The following CCDC39 variants were observed in gnomAD, a reference collection of about 807,000 sequenced individuals.
CCDC39 encodes coiled-coil domain 39 molecular ruler complex subunit, also known as coiled-coil domain-containing protein 39.
CCDC39 carries 113 observed loss-of-function variants against 121.0 expected under a neutral mutation model. That is an observed-to-expected ratio of 0.93 (90% CI 0.80 to 1.09). The LOEUF is 1.09. CCDC39 is among the 50% of genes least tolerant of loss of function. CCDC39 has a pLI of 0.00. For missense variants in CCDC39, 1,063 were observed against 1,074.7 expected (o/e 0.99, Z 0.15); for synonymous variants, 349 against 352.2 (o/e 0.99, Z 0.10).
At chr3:180,646,169 G>A (rs550223153) in intron 11 of CCDC39, among the ~76,000 whole-genome samples, 3 of 151,718 alleles carry the variant, frequency 2.0e-5, no homozygotes, top group Non-Finnish European at 2.9e-5. Context: ...TTTAAAACTA[G>A]TTTTATCTGA....
chr3:180,640,627 A>G (rs1479946542), intron 13 of CCDC39, among the ~76,000 whole-genome samples: 5 of 152,082 alleles, frequency 3.3e-5, no homozygotes, highest in Non-Finnish European at 5.9e-5. Context: ...TACAACTATT[A>G]ACTAATAAAA....
At chr3:180,660,206 A>C (rs1429115841) in intron 4 of CCDC39, among the ~76,000 whole-genome samples, 1 of 152,138 alleles carries the variant, frequency 6.6e-6, no homozygotes, top group Non-Finnish European at 1.5e-5. Context: ...TGTAATATTC[A>C]AACTACATTT....
At chr3:180,615,635 A>C (rs764423574) in intron 19 of CCDC39, among the ~76,000 whole-genome samples, 15 of 152,142 alleles carry the variant, frequency 9.9e-5, no homozygotes, top group Non-Finnish European at 2.1e-4. Flanking sequence ...GGGCCTCTTC[A>C]TGAAATTTTT....
chr3:180,622,124 GCT>G (rs1247033699), intron 14 of CCDC39, among the ~76,000 whole-genome samples: 4 of 151,988 alleles, frequency 2.6e-5, no homozygotes, highest in Admixed American at 2.6e-4. Context: ...TCCTTATGGA[GCT>G]CTTTTACCTC....
At chr3:180,659,850 T>C (rs1711698872) in intron 4 of CCDC39, 81 bp from the exon 5 acceptor site, 4 of 798,630 alleles carry the variant, frequency 5.0e-6, no homozygotes, top group Non-Finnish European at 7.8e-6. Context: ...CATTAAATAG[T>C]ATTACACTAT....
At chr3:180,660,533 A>G in intron 4 of CCDC39, 37 bp downstream of exon 4, 1 of 1,514,304 alleles carries the variant, frequency 6.6e-7, no homozygotes, top group Non-Finnish European at 8.9e-7. Context: ...CTACAGAGTT[A>G]GAGAAAACCT....
Position 180,626,789 on chromosome 3 carries a change from A to G in CCDC39, c.1998+4680T>C, listed in dbSNP as rs562763477. ...CTCCGTCTCACAACAGCCAGTAGCA[A>G]GGTCGTGGGAATTGTCTTAGGGGTG... On this transcript the variant is annotated intron_variant, in intron 14 of 19. Transcript: ENST00000476379. 2.0e-5 allele frequency among the ~76,000 whole-genome samples: 3 copies of G among 152,214 alleles called. No homozygotes were observed. The South Asian group carries it at 6.2e-4, about 32-fold the overall frequency.
In CCDC39 at chr3:180,648,175, A is replaced by C. The variant is rs1375470247; in HGVS notation, c.1352T>G (p.Met451Arg). 1 of 1,612,310 alleles carries C rather than the reference A, an allele frequency of 6.2e-7. No homozygotes were observed. Among genetic ancestry groups the C allele is most frequent in the South Asian group, 1.1e-5 (1 of 90,984 alleles). Reference protein sequence around the residue: ...DFETLKQQEIMYSQDFHIQQV... With the variant: ...DFETLKQQEIRYSQDFHIQQV... ...AAAAGTAACATCTACCTGGCTGTAC[A>C]TAATTTCTTGCTGCTTCAAGGTTTC... The change falls in exon 10 of 20, where the codon ATG (methionine) becomes AGG (arginine). Residue 451 changes from methionine (M) to arginine (R), a missense_variant. Met to Arg is a moderately conservative substitution (Grantham distance 91). Coordinates refer to ENST00000476379, the MANE Select transcript of CCDC39 (RefSeq NM_181426.2).
rs1388193795 is a variant in CCDC39 at position 180,661,891 on chromosome 3, A to G, written c.327T>C (p.Ala109=). The G allele has an allele frequency of 1.9e-6, 3 of 1,587,608 alleles. No homozygotes were observed. Among genetic ancestry groups the G allele is most frequent in the African/African-American group, 2.7e-5 (2 of 74,600 alleles). ...TATCACTTTTCTTTTCCAGTATTGA[A>G]GCCATCTCATTTTCCAGCCGTTGAA... ...DEIQRLENEM[A]SILEKKSDKE... Residue 109 remains alanine (A), a synonymous_variant, in exon 3 of 20, where the codon GCT becomes GCC. Coordinates refer to ENST00000476379, the MANE Select transcript of CCDC39 (RefSeq NM_181426.2).
chr3:180,642,330 A>T (rs1395648872), intron 12 of CCDC39, 129 bp from the exon 13 acceptor site: 22 of 490,380 alleles, frequency 4.5e-5, no homozygotes, highest in Admixed American at 3.1e-4. Context: ...CTAAGATATT[A>T]GCTAGGCCTA....
intron 1 of CCDC39, among the ~76,000 whole-genome samples, chr3:180,677,310 A>T (rs1712264242): frequency 6.7e-6 from 1 of 148,606 alleles, no homozygotes; most frequent in Admixed American, 6.7e-5. Flanking sequence ...TTCAAGAAAG[A>T]TAAACTGAAT....
rs1717128772 is a variant in CCDC39 at position 180,614,194 on chromosome 3, C to T, written c.*727G>A. ...AAGTCATACCTAGCTTTCATTAAATCGTTTATTAAATCAAGAAAATTTCAA... is the reference window on the plus strand; with the variant it reads ...AAGTCATACCTAGCTTTCATTAAATTGTTTATTAAATCAAGAAAATTTCAA... On this transcript the variant is annotated 3_prime_UTR_variant, in exon 20 of 20. Coordinates refer to ENST00000476379, the MANE Select transcript of CCDC39 (RefSeq NM_181426.2). 6.3e-6 allele frequency: 1 copy of T among 158,858 alleles called. No individual in the cohort carries two copies. Among genetic ancestry groups the T allele is most frequent in the Non-Finnish European group, 1.4e-5 (1 of 71,998 alleles). 9.8% of individuals were successfully genotyped at this position (158,858 alleles called of 1,614,324 possible). A position where few individuals can be genotyped will look rare whatever the true frequency, so the allele number is the denominator to read the frequency against.
At chr3:180,622,466 A>G (rs2108407981) in intron 14 of CCDC39, among the ~76,000 whole-genome samples, 1 of 152,214 alleles carries the variant, frequency 6.6e-6, no homozygotes, top group African/African-American at 2.4e-5. Context: ...GAGTGGTGAA[A>G]GTGGGCATCC....
chr3:180,636,208 T>C (rs1443178832), intron 13 of CCDC39, among the ~76,000 whole-genome samples: 2 of 152,158 alleles, frequency 1.3e-5, no homozygotes, highest in Non-Finnish European at 2.9e-5. Flanking sequence ...GAAAACCCCA[T>C]AGTCTCAGCC....
chr3:180,649,031 T>G (rs1233017550), intron 9 of CCDC39, among the ~76,000 whole-genome samples: 1 of 152,212 alleles, frequency 6.6e-6, no homozygotes, highest in Non-Finnish European at 1.5e-5. Flanking sequence ...GTGCTGAGTA[T>G]GTATTACTTT....
chr3:180,650,729 C>T lies in CCDC39; in HGVS notation c.1167+672G>A, dbSNP rs181016085. On this transcript the variant is annotated intron_variant, in intron 9 of 19. Transcript: ENST00000476379. ...AAAATTAGCCAGGTGTGGTGGCACG[C>T]GCCTGTAATCCCAGCTACTCAGAAG... Among the ~76,000 whole-genome samples the T allele has an allele frequency of 1.3e-4, 20 of 151,458 alleles. 1 individual carries two copies. The highest frequency in any genetic ancestry group is 2.7e-4 in the African/African-American group (11 of 41,238).
chr3:180,672,438 A>T (rs1270938956), intron 1 of CCDC39, among the ~76,000 whole-genome samples: 1 of 152,160 alleles, frequency 6.6e-6, no homozygotes, highest in African/African-American at 2.4e-5. Context: ...TACTAAAAAT[A>T]CAAAAATTAA....
At chr3:180,675,099 A>C (rs1043115342) in intron 1 of CCDC39, among the ~76,000 whole-genome samples, 12 of 152,088 alleles carry the variant, frequency 7.9e-5, no homozygotes, top group Admixed American at 2.0e-4. Context: ...GGCTGTGAAT[A>C]CATCTGGTCC....
intron 14 of CCDC39, among the ~76,000 whole-genome samples, chr3:180,629,202 CAG>C (rs1717636154): frequency 6.6e-6 from 1 of 152,244 alleles, no homozygotes; most frequent in Admixed American, 6.5e-5. Context: ...AATATGAAAA[CAG>C]ATTTTATATT....
Sources: gnomAD v4.1 joint callset for allele counts (sites outside exome capture counted in the v4.1 genomes callset) on GRCh38, gnomAD v4.1.1 for gene constraint, MANE v1.5 for transcripts, NCBI Gene and HGNC (gene_info 2026-07-23, HGNC 2026-07-21) for gene names.